The following ZMIZ1 variants were observed in gnomAD, a reference collection of about 807,000 sequenced individuals.
ZMIZ1 encodes zinc finger MIZ domain-containing protein 1.
A neutral mutation model predicts 113.9 loss-of-function variants in ZMIZ1; 17 were observed. The ratio of observed to expected loss-of-function variants is 0.15; its 90% CI spans 0.10 to 0.22. The LOEUF (loss-of-function observed/expected upper bound fraction) is 0.22, where lower values mean the gene tolerates loss of function less well. Among genes scored for constraint, ZMIZ1 ranks in the 10% least tolerant of loss-of-function variants. The probability of loss-of-function intolerance (pLI) is 1.00; values close to 1 mark genes in which losing one functional copy is unlikely to be tolerated. For missense variants in ZMIZ1, 1,059 were observed against 1,477.8 expected (o/e 0.72, Z 4.65); for synonymous variants, 607 against 603.1 (o/e 1.01, Z -0.09).
chr10:79,079,825 C>G (rs1330118935), intron 1 of ZMIZ1, among the ~76,000 whole-genome samples: 1 of 152,232 alleles, frequency 6.6e-6, no homozygotes, highest in African/African-American at 2.4e-5. Flanking sequence ...TCTAGGAAGG[C>G]TGGGCAGGAC....
At chr10:79,295,493 G>C (rs1473021187) in intron 12 of ZMIZ1, 2 of 152,206 alleles carry the variant, frequency 1.3e-5, no homozygotes, top group East Asian at 3.8e-4. Flanking sequence ...CTTAGGACAG[G>C]GGTTGGGTCA....
chr10:79,205,145 A>G (rs926190030), intron 5 of ZMIZ1, among the ~76,000 whole-genome samples: 2 of 152,196 alleles, frequency 1.3e-5, no homozygotes, highest in Non-Finnish European at 2.9e-5. Context: ...ATATAGCCCA[A>G]CTCTTCTGAG....
intron 7 of ZMIZ1, among the ~76,000 whole-genome samples, chr10:79,270,083 G>A (rs1715333938): frequency 6.6e-6 from 1 of 152,220 alleles, no homozygotes; most frequent in African/African-American, 2.4e-5. Flanking sequence ...AGGTACAGGG[G>A]CAAATACAGG....
intron 4 of ZMIZ1, among the ~76,000 whole-genome samples, chr10:79,165,081 T>C (rs1589364703): frequency 6.8e-6 from 1 of 146,892 alleles, no homozygotes; most frequent in Admixed American, 6.8e-5. Flanking sequence ...GGTAGGGGGG[T>C]GGGGAGGTAC....
chr10:79,220,437 G>A lies in ZMIZ1; in HGVS notation c.280+4163G>A, dbSNP rs1392928525. On this transcript the variant is annotated intron_variant, in intron 7 of 24. Transcript: ENST00000334512. ...TGTCCCTACCCCTGGGCACAGCCCC[G>A]GTGTGCCTGTGTGGGGATGGCCACT... Among the ~76,000 whole-genome samples, 5 of 152,220 alleles carry A rather than the reference G, an allele frequency of 3.3e-5. No homozygotes were observed. In the South Asian group the frequency reaches 6.2e-4, roughly 19 times the overall value.
chr10:79,294,274 A>G (rs1308381007), intron 12 of ZMIZ1: 1 of 157,192 alleles, frequency 6.4e-6, no homozygotes, highest in Non-Finnish European at 1.4e-5. Flanking sequence ...CAGGGAAGTG[A>G]CTGGAAGGCA....
chr10:79,245,962 T>C (rs1850167648), intron 7 of ZMIZ1, among the ~76,000 whole-genome samples: 1 of 152,178 alleles, frequency 6.6e-6, no homozygotes, highest in East Asian at 1.9e-4. Flanking sequence ...TCCAGGAGGA[T>C]AGACTTAAGA....
At chr10:79,207,587 T>C (rs892870389) in intron 5 of ZMIZ1, among the ~76,000 whole-genome samples, 4 of 152,030 alleles carry the variant, frequency 2.6e-5, no homozygotes, top group African/African-American at 4.8e-5. Context: ...CAGAATTCAG[T>C]CTCCATCGAC....
intron 1 of ZMIZ1, among the ~76,000 whole-genome samples, chr10:79,102,332 G>A (rs1843395173): frequency 6.6e-6 from 1 of 152,228 alleles, no homozygotes; most frequent in African/African-American, 2.4e-5. Flanking sequence ...AGGGCTGTGG[G>A]CGCAGCAGCG....
intron 1 of ZMIZ1, among the ~76,000 whole-genome samples, chr10:79,088,474 C>T (rs1842883967): frequency 6.6e-6 from 1 of 152,218 alleles, no homozygotes; most frequent in Non-Finnish European, 1.5e-5. Flanking sequence ...TCAGGCCTGC[C>T]TAGGCACGGC....
intron 1 of ZMIZ1, among the ~76,000 whole-genome samples, chr10:79,093,544 C>T (rs1201401162): frequency 6.6e-6 from 1 of 152,036 alleles, no homozygotes; most frequent in African/African-American, 2.4e-5. Context: ...CCAGGCTGGT[C>T]TTGAACTCCT....
intron 23 of ZMIZ1, 30 bp from the exon 24 acceptor site, chr10:79,310,889 ACCTCT>A: frequency 6.3e-7 from 1 of 1,591,302 alleles, no homozygotes; most frequent in South Asian, 1.1e-5. Context: ...TCCTCACCTC[ACCTCT>A]CTTCTCTCCC....
chr10:79,083,816 G>A (rs933924579), intron 1 of ZMIZ1, among the ~76,000 whole-genome samples: 4 of 152,236 alleles, frequency 2.6e-5, no homozygotes, highest in African/African-American at 9.6e-5. Context: ...GGCTGAGCTA[G>A]AGAACTGGCT....
At chr10:79,122,707 C>T (rs895446572) in intron 2 of ZMIZ1, among the ~76,000 whole-genome samples, 3 of 152,202 alleles carry the variant, frequency 2.0e-5, no homozygotes, top group Admixed American at 2.0e-4. Flanking sequence ...CCCTGGAGAG[C>T]TCTTGAAAGG....
rs1215284201 is a variant in ZMIZ1, at chr10:79,245,762, G to A, written c.280+29488G>A. Among the ~76,000 whole-genome samples, 7 of 152,344 alleles carry A rather than the reference G, an allele frequency of 4.6e-5. No homozygotes were observed. The East Asian group carries it at 1.2e-3, about 25-fold the overall frequency. ...GTCTAAGATGACGCCATTCAGTACAGTAGCCACTGGCCACATGTGGCTGTT... is the reference window on the plus strand; with the variant it reads ...GTCTAAGATGACGCCATTCAGTACAATAGCCACTGGCCACATGTGGCTGTT... On this transcript the variant is annotated intron_variant, in intron 7 of 24. Transcript: ENST00000334512.
intron 1 of ZMIZ1, among the ~76,000 whole-genome samples, chr10:79,077,753 G>A (rs992290442): frequency 3.9e-5 from 6 of 152,204 alleles, no homozygotes; most frequent in Non-Finnish European, 7.3e-5. Flanking sequence ...CTGTAAAACA[G>A]GCTTACTAGT....
intron 3 of ZMIZ1, among the ~76,000 whole-genome samples, chr10:79,151,992 G>A (rs1257407454): frequency 1.3e-5 from 2 of 152,242 alleles, no homozygotes; most frequent in East Asian, 1.9e-4. Context: ...TGCTCCACCA[G>A]GTGATGGTGC....
intron 3 of ZMIZ1, among the ~76,000 whole-genome samples, chr10:79,149,083 G>C (rs562621967): frequency 1.3e-5 from 2 of 152,338 alleles, no homozygotes; most frequent in East Asian, 3.9e-4. Flanking sequence ...ACTGCTGTGA[G>C]TTTGCCTTCA....
chr10:79,204,028 C>G (rs993351376), intron 5 of ZMIZ1, among the ~76,000 whole-genome samples: 1 of 152,260 alleles, frequency 6.6e-6, no homozygotes, highest in Non-Finnish European at 1.5e-5. Flanking sequence ...CGGTCAGACA[C>G]AGCTCAGTGC....
Sources: gnomAD v4.1 joint callset for allele counts (sites outside exome capture counted in the v4.1 genomes callset) on GRCh38, gnomAD v4.1.1 for gene constraint, MANE v1.5 for transcripts, NCBI Gene and HGNC (gene_info 2026-07-23, HGNC 2026-07-21) for gene names.